The following FUT8 variants were observed in gnomAD, a reference collection of about 807,000 sequenced individuals.
FUT8 encodes the protein fucosyltransferase 8.
FUT8 carries 29 observed loss-of-function variants against 71.3 expected under a neutral mutation model. The observed-to-expected ratio is 0.41, with a 90% CI of 0.30 to 0.55. The LOEUF (loss-of-function observed/expected upper bound fraction) is 0.55, where lower values mean the gene tolerates loss of function less well. Among genes scored for constraint, FUT8 ranks in the 20% least tolerant of loss-of-function variants. The pLI is 0.34. For synonymous variants in FUT8, 254 were observed against 239.3 expected (o/e 1.06, Z -0.57); for missense variants, 544 against 702.1 (o/e 0.77, Z 2.55).
At chr14:65,523,697 A>G (rs1883243573) in intron 2 of FUT8, among the ~76,000 whole-genome samples, 1 of 152,160 alleles carries the variant, frequency 6.6e-6, no homozygotes, top group African/African-American at 2.4e-5. Context: ...TGGAGTTTTT[A>G]TGGTTTTAGG....
At chr14:65,584,656 CAT>C (rs113388466) in intron 3 of FUT8, among the ~76,000 whole-genome samples, 18 of 152,322 alleles carry the variant, frequency 1.2e-4, no homozygotes, top group African/African-American at 3.8e-4. Flanking sequence ...AGATTGAAGA[CAT>C]GTAGATTCAG....
At chr14:65,558,978 C>G (rs2140033913) in intron 2 of FUT8, among the ~76,000 whole-genome samples, 1 of 152,094 alleles carries the variant, frequency 6.6e-6, no homozygotes, top group South Asian at 2.1e-4. Context: ...AATTTAATCT[C>G]TTAGATATTT....
At chr14:65,674,283 G>GA (rs1377421749) in intron 7 of FUT8, among the ~76,000 whole-genome samples, 2 of 152,130 alleles carry the variant, frequency 1.3e-5, no homozygotes, top group Non-Finnish European at 2.9e-5. Flanking sequence ...ATCTGAGGGA[G>GA]AGGAAGGATA....
At chr14:65,605,316 A>T (rs1888522965) in intron 3 of FUT8, among the ~76,000 whole-genome samples, 1 of 151,870 alleles carries the variant, frequency 6.6e-6, no homozygotes, top group Non-Finnish European at 1.5e-5. Context: ...CCTTTAATGT[A>T]TGTTACGGGC....
At chr14:65,410,758 G>T (rs1016935959), upstream of FUT8, 1 of 151,862 alleles carries the variant, frequency 6.6e-6, no homozygotes, top group Non-Finnish European at 1.5e-5. Flanking sequence ...TAACCAACTA[G>T]AAGTAGTTCT....
chr14:65,385,822 G>A, the FUT8 span, among the ~76,000 whole-genome samples: 7 of 152,098 alleles, frequency 4.6e-5, no homozygotes, highest in African/African-American at 9.6e-5. Flanking sequence ...GATTACAGGC[G>A]TGAGCCACGG....
the FUT8 span, among the ~76,000 whole-genome samples, chr14:65,363,349 G>A: frequency 6.7e-6 from 1 of 148,368 alleles, no homozygotes; most frequent in African/African-American, 2.5e-5. Flanking sequence ...CTCGAACTCT[G>A]ACCTCAGGTG....
At chr14:65,597,210 T>C (rs2140157304) in intron 3 of FUT8, among the ~76,000 whole-genome samples, 1 of 152,260 alleles carries the variant, frequency 6.6e-6, no homozygotes, top group South Asian at 2.1e-4. Context: ...CTAAAGTCTG[T>C]CTTCCTGTAA....
chr14:65,546,888 C>T (rs945534286), intron 2 of FUT8, among the ~76,000 whole-genome samples: 1 of 151,636 alleles, frequency 6.6e-6, no homozygotes, highest in African/African-American at 2.4e-5. Flanking sequence ...ACGCATTCAA[C>T]TTCCTTAAGC....
chr14:65,705,277 T>C (rs1894501808), intron 7 of FUT8, among the ~76,000 whole-genome samples: 1 of 152,204 alleles, frequency 6.6e-6, no homozygotes, highest in Non-Finnish European at 1.5e-5. Context: ...AGCCTAGATG[T>C]TCACTTTTTA....
At chr14:65,520,863 A>T (rs549369769) in intron 2 of FUT8, among the ~76,000 whole-genome samples, 9 of 152,096 alleles carry the variant, frequency 5.9e-5, no homozygotes, top group Non-Finnish European at 1.2e-4. Flanking sequence ...GTTTTTGGGG[A>T]TACTTACCTA....
intron 3 of FUT8, among the ~76,000 whole-genome samples, chr14:65,576,398 CT>C (rs1399347240): frequency 6.6e-6 from 1 of 152,036 alleles, no homozygotes; most frequent in Non-Finnish European, 1.5e-5. Context: ...ATTATTAAGT[CT>C]TGTCTTTTGT....
At chr14:65,692,273 C>T (rs1272132081) in intron 7 of FUT8, among the ~76,000 whole-genome samples, 1 of 150,648 alleles carries the variant, frequency 6.6e-6, no homozygotes, top group Non-Finnish European at 1.5e-5. Context: ...GCTGGCCGGG[C>T]AGAGGGGCTC....
intron 1 of FUT8, among the ~76,000 whole-genome samples, chr14:65,426,179 A>T (rs529601806): frequency 1.3e-4 from 19 of 151,944 alleles, no homozygotes; most frequent in Non-Finnish European, 2.8e-4. Context: ...CCTTTTTTAG[A>T]TTCCATATAT....
chr14:65,368,337 G>T, the FUT8 span, among the ~76,000 whole-genome samples: 3 of 122,084 alleles, frequency 2.5e-5, no homozygotes, highest in Admixed American at 8.4e-5. Flanking sequence ...ACAGGCGTGA[G>T]CCACCTTTTT....
chr14:65,673,718 G>A (rs1892580920), intron 7 of FUT8, among the ~76,000 whole-genome samples: 1 of 152,148 alleles, frequency 6.6e-6, no homozygotes, highest in South Asian at 2.1e-4. Context: ...TCACTTACAG[G>A]ATTTCCATTT....
chr14:65,732,213 T>TA (rs1196227989), intron 9 of FUT8, among the ~76,000 whole-genome samples: 1 of 152,206 alleles, frequency 6.6e-6, no homozygotes, highest in African/African-American at 2.4e-5. Context: ...ACTTTGCCTT[T>TA]ACAATCATTA....
At chr14:65,707,888 T>C (rs2140503826) in intron 7 of FUT8, among the ~76,000 whole-genome samples, 2 of 152,336 alleles carry the variant, frequency 1.3e-5, no homozygotes, top group South Asian at 4.1e-4. Flanking sequence ...TATTTTCAAA[T>C]CAAGTGGGTC....
chr14:65,662,029 CAG>C (rs1206451140), intron 6 of FUT8, among the ~76,000 whole-genome samples: 3 of 152,114 alleles, frequency 2.0e-5, no homozygotes, highest in Non-Finnish European at 2.9e-5. Flanking sequence ...ATTTACAGGG[CAG>C]AGAGAGCAAA....
Sources: gnomAD v4.1 joint callset for allele counts (sites outside exome capture counted in the v4.1 genomes callset) on GRCh38, gnomAD v4.1.1 for gene constraint, MANE v1.5 for transcripts, NCBI Gene and HGNC (gene_info 2026-07-23, HGNC 2026-07-21) for gene names.